The following RERE variants were observed in gnomAD, a reference collection of about 807,000 sequenced individuals.
RERE encodes arginine-glutamic acid dipeptide repeats protein.
Under a neutral mutation model 146.1 loss-of-function variants are expected in RERE, and 40 were observed. The observed-to-expected ratio is 0.27, with a 90% CI of 0.21 to 0.36. The LOEUF (loss-of-function observed/expected upper bound fraction) is 0.36, where lower values mean the gene tolerates loss of function less well. RERE is among the 10% of genes least tolerant of loss of function. The pLI, the probability that RERE is intolerant of heterozygous loss-of-function variation, is 1.00. For missense variants in RERE, 1,933 were observed against 2,138.7 expected (o/e 0.90, Z 1.90); for synonymous variants, 1,003 against 866.0 (o/e 1.16, Z -2.78).
intron 1 of RERE, among the ~76,000 whole-genome samples, chr1:8,683,798 C>T (rs946855205): frequency 3.3e-5 from 5 of 152,024 alleles, no homozygotes; most frequent in African/African-American, 7.2e-5. Context: ...CAAAATAAGC[C>T]GGGCAGGGTG....
chr1:8,784,512 T>A (rs1449286224), intron 1 of RERE, among the ~76,000 whole-genome samples: 3 of 151,984 alleles, frequency 2.0e-5, no homozygotes, highest in Non-Finnish European at 2.9e-5. Context: ...CTATAAACTA[T>A]GCCTGGCAGA....
At chr1:8,674,267 T>C (rs924185925) in intron 1 of RERE, among the ~76,000 whole-genome samples, 1 of 152,126 alleles carries the variant, frequency 6.6e-6, no homozygotes, top group Non-Finnish European at 1.5e-5. Context: ...GCCTGTTAAA[T>C]ATCACAAGGC....
chr1:8,801,775 A>C (rs1355228289), intron 1 of RERE, among the ~76,000 whole-genome samples: 1 of 152,210 alleles, frequency 6.6e-6, no homozygotes, highest in East Asian at 1.9e-4. Context: ...CTGATTCAGC[A>C]ACTCTACTTA....
At chr1:8,577,900 C>T (rs1646316038) in intron 4 of RERE, among the ~76,000 whole-genome samples, 2 of 152,188 alleles carry the variant, frequency 1.3e-5, no homozygotes, top group African/African-American at 2.4e-5. Flanking sequence ...TGAAACCAGC[C>T]TGGCCAACAT....
intron 1 of RERE, among the ~76,000 whole-genome samples, chr1:8,809,868 G>A (rs561415427): frequency 7.2e-5 from 11 of 152,276 alleles, no homozygotes; most frequent in Non-Finnish European, 2.9e-5. Flanking sequence ...GACATGAAGT[G>A]ATCAAATGAG....
intron 1 of RERE, among the ~76,000 whole-genome samples, chr1:8,670,057 C>G (rs1638678339): frequency 6.6e-6 from 1 of 152,182 alleles, no homozygotes; most frequent in South Asian, 2.1e-4. Flanking sequence ...CTGGCTCTGA[C>G]TAAAAACACA....
chr1:8,385,453 A>G (rs1009736300), intron 12 of RERE, among the ~76,000 whole-genome samples: 1 of 152,164 alleles, frequency 6.6e-6, no homozygotes, highest in Admixed American at 6.5e-5. Context: ...TGCAACTGCA[A>G]AAAACTGAAT....
chr1:8,583,927 C>T (rs1646397391), intron 4 of RERE, among the ~76,000 whole-genome samples: 1 of 151,760 alleles, frequency 6.6e-6, no homozygotes. Context: ...AAAGAGAATA[C>T]AGAACAGAAT....
intron 12 of RERE, among the ~76,000 whole-genome samples, chr1:8,396,216 T>G (rs1170279797): frequency 6.6e-6 from 1 of 152,168 alleles, no homozygotes; most frequent in Non-Finnish European, 1.5e-5. Flanking sequence ...TGCTATCACT[T>G]GGGGTCCATT....
At chr1:8,792,016 C>T (rs546279572) in intron 1 of RERE, among the ~76,000 whole-genome samples, 89 of 151,958 alleles carry the variant, frequency 5.9e-4, no homozygotes, top group African/African-American at 2.1e-3. Context: ...TCGCTTGAGC[C>T]CAGGAGGTCA....
At chr1:8,673,997 C>T (rs1638780133) in intron 1 of RERE, among the ~76,000 whole-genome samples, 1 of 152,152 alleles carries the variant, frequency 6.6e-6, no homozygotes, top group Non-Finnish European at 1.5e-5. Context: ...TGCACCACTG[C>T]ACTCCAGCCT....
At chr1:8,643,953 G>T (rs1044830587) in intron 2 of RERE, among the ~76,000 whole-genome samples, 1 of 151,912 alleles carries the variant, frequency 6.6e-6, no homozygotes, top group African/African-American at 2.4e-5. Flanking sequence ...ATTCCATCTG[G>T]TCACACTCCT....
At chr1:8,730,030 T>A (rs968203549) in intron 1 of RERE, among the ~76,000 whole-genome samples, 1 of 152,218 alleles carries the variant, frequency 6.6e-6, no homozygotes, top group East Asian at 1.9e-4. Flanking sequence ...TAGGCTGATA[T>A]TTCTTTCAAA....
rs543919788 is a variant in RERE at position 8,697,417 on chromosome 1, G to A, written c.-144-40976C>T. Among the ~76,000 whole-genome samples, 5 of 121,854 alleles carry A rather than the reference G, an allele frequency of 4.1e-5. No homozygotes were observed. The East Asian group carries it at 9.2e-4, about 23-fold the overall frequency. The allele number at this position is 121,854 out of a possible 152,430, so 79.9% of individuals were successfully genotyped here. On this transcript the variant is annotated intron_variant, in intron 1 of 22. Coordinates refer to ENST00000400908, the MANE Select transcript of RERE (RefSeq NM_001042681.2). ...ACAACTTTTTTTTTTTTTTGAGACG[G>A]AGTCTCACTCTGTCCCCCAGGCTGG... is the stretch of plus-strand genomic sequence containing the variant.
At chr1:8,614,254 C>A (rs2124192716) in intron 4 of RERE, among the ~76,000 whole-genome samples, 1 of 152,208 alleles carries the variant, frequency 6.6e-6, no homozygotes, top group African/African-American at 2.4e-5. Context: ...CCTTTTTTCC[C>A]CATTTCAGTT....
chr1:8,739,482 T>C (rs145332725), intron 1 of RERE, among the ~76,000 whole-genome samples: 74 of 152,204 alleles, frequency 4.9e-4, no homozygotes, highest in Non-Finnish European at 9.8e-4. Flanking sequence ...AGAAACACCA[T>C]GTGCCACACT....
chr1:8,691,866 G>C (rs1239433910), intron 1 of RERE, among the ~76,000 whole-genome samples: 1 of 152,176 alleles, frequency 6.6e-6, no homozygotes, highest in Non-Finnish European at 1.5e-5. Flanking sequence ...GCTTACCCTG[G>C]AAGTAGTTCT....
At chr1:8,704,787 G>A (rs1557492683) in intron 1 of RERE, among the ~76,000 whole-genome samples, 7 of 152,252 alleles carry the variant, frequency 4.6e-5, no homozygotes, top group Admixed American at 2.0e-4. Flanking sequence ...CACAGCACAT[G>A]TACTGAGAGC....
Position 8,358,842 on chromosome 1 carries a change from G to C in RERE, c.3693C>G (p.Ser1231=), listed in dbSNP as rs1251979826. 6.2e-7 allele frequency: 1 copy of C among 1,605,742 alleles called. No individual in the cohort carries two copies. Among genetic ancestry groups the C allele is most frequent in the Non-Finnish European group, 8.5e-7 (1 of 1,175,572 alleles). Residue 1231 remains serine, a synonymous_variant, in exon 20 of 23, where the codon TCC becomes TCG. Transcript: ENST00000400908. ...QLSGPGHMRP[S]FEPPPTTIAA... is the part of the protein sequence containing the mutation. ...CAATGGTGGTTGGTGGTGGCTCGAA[G>C]GATGGCCGCATGTGGCCAGGACCAC...
Sources: allele counts gnomAD v4.1 joint callset (sites outside exome capture counted in the v4.1 genomes callset), GRCh38; gene constraint gnomAD v4.1.1; transcripts MANE v1.5; gene names NCBI Gene and HGNC (gene_info 2026-07-23, HGNC 2026-07-21).